ANKRD28: variants seen among roughly 807,000 people sequenced by gnomAD.
The protein encoded by ANKRD28 is ankyrin repeat domain 28, also known as serine/threonine-protein phosphatase 6 regulatory ankyrin repeat subunit A.
ANKRD28 carries 44 observed loss-of-function variants against 126.5 expected under a neutral mutation model. The ratio of observed to expected loss-of-function variants is 0.35; its 90% CI spans 0.27 to 0.45. The LOEUF (loss-of-function observed/expected upper bound fraction) is 0.45, where lower values mean the gene tolerates loss of function less well. Ranked by LOEUF, ANKRD28 falls within the 20% of genes least tolerant of loss-of-function variation. ANKRD28 has a pLI of 1.00. For synonymous variants in ANKRD28, 442 were observed against 468.5 expected, an observed-to-expected ratio of 0.94 and a Z score of 0.73; for missense variants, 1,110 against 1,316.6, an observed-to-expected ratio of 0.84 and a Z score of 2.43.
In ANKRD28 at chr3:15,843,528, C is replaced by G. The variant is rs1184776304; in HGVS notation, c.27+15849G>C. On this transcript the variant is annotated intron_variant, in intron 1 of 27. Coordinates refer to the ANKRD28 transcript ENST00000399451. This position sits in a 1 kb window ranked among gnomAD's most constrained non-coding sequence, Gnocchi z 5.2. ...TGAAAAATAAGAGATAAACAATACA[C>G]CTCAATTTCAAATAAGGATAGAATT... Among the ~76,000 whole-genome samples, 1 of 151,830 alleles carries G rather than the reference C, an allele frequency of 6.6e-6. No individual in the cohort carries two copies. Among genetic ancestry groups the G allele is most frequent in the Non-Finnish European group, 1.5e-5 (1 of 67,988 alleles).
chr3:15,808,881 C>T (rs948286556), intron 1 of ANKRD28, among the ~76,000 whole-genome samples: 1 of 152,160 alleles, frequency 6.6e-6, no homozygotes, highest in Admixed American at 6.5e-5. Context: ...CTCAACTACT[C>T]TACAATATTG....
At chr3:15,777,000 G>A (rs1388238860) in intron 2 of ANKRD28, among the ~76,000 whole-genome samples, 4 of 152,192 alleles carry the variant, frequency 2.6e-5, no homozygotes, top group African/African-American at 9.6e-5. Flanking sequence ...CCTGGGCCAG[G>A]AGCAGAGGCT....
intron 27 of ANKRD28, among the ~76,000 whole-genome samples, chr3:15,675,388 G>A (rs2066830142): frequency 6.6e-6 from 1 of 152,148 alleles, no homozygotes; most frequent in Non-Finnish European, 1.5e-5. Context: ...TAGCTGGCAG[G>A]AGCAGTGAGA....
At position 15,795,293 on chromosome 3, in the gene ANKRD28, T is replaced by C. The variant is rs754018909; in HGVS notation, c.131A>G (p.Gln44Arg). The C allele has an allele frequency of 3.1e-6, 5 of 1,610,654 alleles. No individual in the cohort carries two copies. The South Asian group carries it at 4.4e-5, about 14-fold the overall frequency. Reference protein sequence around the residue: ...PSGNVLPSLVQAIFNGDPDEV... With the variant: ...PSGNVLPSLVRAIFNGDPDEV... Reference sequence around the variant, plus strand: ...ATCAGGATCTCCGTTAAATATAGCTTGCACCAGTGATGGCTAAAATAGAAG... The same window carrying C: ...ATCAGGATCTCCGTTAAATATAGCTCGCACCAGTGATGGCTAAAATAGAAG... Residue 44 changes from glutamine to arginine, a missense_variant, in exon 2 of 28, where the codon CAA (glutamine) becomes CGA (arginine). Gln to Arg is a conservative substitution (Grantham distance 43, BLOSUM62 1). Transcript: ENST00000683139.
At chr3:15,772,700 T>G (rs1328642916) in intron 2 of ANKRD28, among the ~76,000 whole-genome samples, 1 of 152,208 alleles carries the variant, frequency 6.6e-6, no homozygotes, top group African/African-American at 2.4e-5. Context: ...TATTCATTTA[T>G]TTTTGAGGCA....
intron 16 of ANKRD28, 73 bp from the exon 17 acceptor site, chr3:15,694,886 C>G: frequency 2.9e-6 from 4 of 1,362,430 alleles, no homozygotes; most frequent in Non-Finnish European, 3.1e-6. Context: ...CCACCCAGTT[C>G]AAATCCACCT....
intron 1 of ANKRD28, among the ~76,000 whole-genome samples, chr3:15,818,138 C>T (rs549471606): frequency 5.3e-4 from 80 of 152,100 alleles, no homozygotes; most frequent in Non-Finnish European, 9.0e-4. Flanking sequence ...GGAGCTCCCC[C>T]GTTATCCACA....
At chr3:15,744,666 G>A (rs903248235) in intron 4 of ANKRD28, among the ~76,000 whole-genome samples, 2 of 152,062 alleles carry the variant, frequency 1.3e-5, no homozygotes, top group Admixed American at 6.5e-5. Flanking sequence ...ATTTGGGCTG[G>A]TTCCATATTT....
chr3:15,676,532 G>A (rs993605296), intron 26 of ANKRD28: 3 of 160,194 alleles, frequency 1.9e-5, no homozygotes, highest in African/African-American at 7.2e-5. Flanking sequence ...AGACACTGAT[G>A]TAAGATCTCT....
rs2061538747 is a variant in ANKRD28, at chr3:15,846,674, G to C, written c.27+12703C>G. Among the ~76,000 whole-genome samples, 1 of 152,184 alleles carries C rather than the reference G, an allele frequency of 6.6e-6. No homozygotes were observed. The highest frequency in any genetic ancestry group is 6.5e-5 in the Admixed American group (1 of 15,276). On this transcript the variant is annotated intron_variant, in intron 1 of 27. Coordinates refer to the ANKRD28 transcript ENST00000399451. This position sits in a 1 kb window ranked among gnomAD's most constrained non-coding sequence, Gnocchi z 5.4. ...TCCCAAATTATCACATAACAGAATA[G>C]GTTATTTTTATTTCATGCTCACATA...
chr3:15,669,281 G>A lies in ANKRD28; in HGVS notation c.*989C>T, dbSNP rs2066147153. On this transcript the variant is annotated 3_prime_UTR_variant, in exon 28 of 28. Transcript: ENST00000683139. ...TAAACAAAAAATCCCCCAACCCATG[G>A]TGGGGACACAAAAGTAACATAAGTG... is the stretch of plus-strand genomic sequence containing the variant. 6.6e-6 allele frequency: 1 copy of A among 152,086 alleles called. No individual in the cohort carries two copies. The highest frequency in any genetic ancestry group is 2.4e-5 in the African/African-American group (1 of 41,408). 9.4% of individuals were successfully genotyped at this position (152,086 alleles called of 1,614,324 possible).
chr3:15,770,260 T>G (rs1159935131), intron 2 of ANKRD28, among the ~76,000 whole-genome samples: 9 of 152,088 alleles, frequency 5.9e-5, no homozygotes, highest in Admixed American at 5.9e-4. Flanking sequence ...AAGGAATACT[T>G]TGAAAACCTC....
intron 2 of ANKRD28, among the ~76,000 whole-genome samples, chr3:15,785,210 A>C (rs2059717661): frequency 6.6e-6 from 1 of 152,132 alleles, no homozygotes; most frequent in African/African-American, 2.4e-5. Context: ...TCAATGAAGA[A>C]GAATCGATAA....
rs2061513323 is a variant in ANKRD28 at position 15,845,598 on chromosome 3, T to A, written c.27+13779A>T. Among the ~76,000 whole-genome samples, 1 of 152,226 alleles carries A rather than the reference T, an allele frequency of 6.6e-6. No homozygotes were observed. The highest frequency in any genetic ancestry group is 2.4e-5 in the African/African-American group (1 of 41,458). ...TTCTATCTGGTTTCAACTCCACTGC[T>A]CACTCTGATGCTGAAGTCTGCTTAT... is the stretch of plus-strand genomic sequence containing the variant. On this transcript the variant is annotated intron_variant, in intron 1 of 27. Transcript: ENST00000399451. This position sits in a 1 kb window ranked among gnomAD's most constrained non-coding sequence, Gnocchi z 4.9.
chr3:15,724,622 T>C (rs1323491188), intron 6 of ANKRD28, 98 bp from the exon 7 acceptor site: 2 of 1,100,414 alleles, frequency 1.8e-6, no homozygotes, highest in East Asian at 2.6e-5. Flanking sequence ...AAATGCAAAA[T>C]AGATGATGCA....
At chr3:15,743,989 C>G (rs1478650314) in intron 4 of ANKRD28, among the ~76,000 whole-genome samples, 2 of 152,186 alleles carry the variant, frequency 1.3e-5, no homozygotes, top group Non-Finnish European at 2.9e-5. Context: ...CATGGTATCT[C>G]AAAAATATAA....
intron 2 of ANKRD28, among the ~76,000 whole-genome samples, chr3:15,780,558 T>C (rs896464835): frequency 3.3e-5 from 5 of 151,598 alleles, no homozygotes; most frequent in South Asian, 2.1e-4. Context: ...TCACAGAAAA[T>C]AGAAAAAACA....
upstream of ANKRD28, among the ~76,000 whole-genome samples, chr3:15,801,996 A>C (rs1370163590): frequency 6.6e-6 from 1 of 152,230 alleles, no homozygotes; most frequent in Non-Finnish European, 1.5e-5. The surrounding 1 kb of genome is among the most constrained non-coding windows in gnomAD (Gnocchi z 4.9). Context: ...GCAGATTGTT[A>C]GCACATTCTA....
intron 4 of ANKRD28, among the ~76,000 whole-genome samples, chr3:15,738,241 A>G (rs974344902): frequency 6.6e-6 from 1 of 152,098 alleles, no homozygotes; most frequent in Non-Finnish European, 1.5e-5. Context: ...AAATAAAGGG[A>G]AAGAGTACAA....
Sources: allele counts gnomAD v4.1 joint callset (sites outside exome capture counted in the v4.1 genomes callset), GRCh38; gene constraint gnomAD v4.1.1; non-coding constraint Gnocchi (gnomAD v3.1); transcripts MANE v1.5; gene names NCBI Gene and HGNC (gene_info 2026-07-23, HGNC 2026-07-21).